FGL1: variants seen among roughly 807,000 people sequenced by gnomAD.
The protein encoded by FGL1 is fibrinogen like 1.
In FGL1, 59 loss-of-function variants were observed where a neutral mutation model predicts 43.7. That is an observed-to-expected ratio of 1.35 (90% CI 1.10 to 1.68). FGL1 has a LOEUF of 1.68. FGL1 is among the 40% of genes most tolerant of loss of function. The pLI is 0.00. For synonymous variants in FGL1, 192 were observed against 126.5 expected (o/e 1.52, Z -3.48); for missense variants, 596 against 373.0 (o/e 1.60, Z -4.92).
chr8:17,866,163 A>T (rs1053981402), intron 7 of FGL1, among the ~76,000 whole-genome samples: 3 of 152,212 alleles, frequency 2.0e-5, no homozygotes, highest in African/African-American at 7.2e-5. Context: ...TGTGATGAAC[A>T]TAAGAAACCT....
chr8:17,869,468 A>G (rs1204640312), intron 5 of FGL1, among the ~76,000 whole-genome samples: 1 of 152,212 alleles, frequency 6.6e-6, no homozygotes, highest in Non-Finnish European at 1.5e-5. Context: ...TGTAGTTGCC[A>G]TTGCCTGCAT....
intron 7 of FGL1, 68 bp from the exon 8 acceptor site, chr8:17,864,819 T>A (rs904867248): frequency 7.9e-7 from 1 of 1,268,400 alleles, no homozygotes; most frequent in East Asian, 2.9e-5. Flanking sequence ...GAATCCCTTT[T>A]ATTTTGCTAC....
Position 17,864,708 on chromosome 8 carries a change from A to T in FGL1, c.823T>A (p.Tyr275Asn), listed in dbSNP as rs534294286. 2 of 1,612,992 alleles carry T rather than the reference A, an allele frequency of 1.2e-6. No individual in the cohort carries two copies. The highest frequency in any genetic ancestry group is 1.3e-5 in the African/African-American group (1 of 74,990). The stretch of plus-strand genomic sequence containing the variant: ...ATCCCATTGTCTGTTTTAGCCGTGT[A>T]GGGGCCGCTGTAGTATACACCATTC... ...NLNGVYYSGP[Y>N]TAKTDNGIVW... is the part of the protein sequence containing the mutation. The change falls in exon 8 of 8, where the codon TAC (tyrosine) becomes AAC (asparagine). Residue 275 changes from tyrosine (Y) to asparagine (N), a missense_variant. Tyr to Asn is a moderately radical substitution (Grantham distance 143, BLOSUM62 -2). Coordinates refer to ENST00000427924, the MANE Select transcript of FGL1 (RefSeq NM_004467.4).
chr8:17,885,466 G>T, intron 2 of FGL1, 26 bp downstream of exon 2: 3 of 1,548,964 alleles, frequency 1.9e-6, no homozygotes, highest in South Asian at 1.1e-5. Flanking sequence ...TTATAAATAT[G>T]ACAATAGTTT....
rs1030978500 is a variant in FGL1 at position 17,892,703 on chromosome 8, A to G, written c.-18+2744T>C. On this transcript the variant is annotated intron_variant, in intron 1 of 7. Coordinates refer to ENST00000427924, the MANE Select transcript of FGL1 (RefSeq NM_004467.4). ...AGTAAAAATAATGTCCTCTTTTTTT[A>G]TGTGACAGGAAACAAATTTTCATTA... 3.3e-5 allele frequency among the ~76,000 whole-genome samples: 5 copies of G among 152,298 alleles called. No individual in the cohort carries two copies. In the East Asian group the frequency reaches 7.7e-4, roughly 23 times the overall value.
intron 1 of FGL1, among the ~76,000 whole-genome samples, chr8:17,889,275 C>T (rs1187563646): frequency 6.6e-6 from 1 of 152,174 alleles, no homozygotes; most frequent in Non-Finnish European, 1.5e-5. Context: ...TTTGGCTGGG[C>T]GTGGTGGCTT....
At chr8:17,886,648 C>A (rs569700375) in intron 1 of FGL1, among the ~76,000 whole-genome samples, 13 of 152,202 alleles carry the variant, frequency 8.5e-5, no homozygotes, top group African/African-American at 3.1e-4. Context: ...CTCCCAGCCA[C>A]TCGGGAGGCT....
chr8:17,884,090 T>A (rs2053591937), intron 2 of FGL1, among the ~76,000 whole-genome samples: 1 of 137,474 alleles, frequency 7.3e-6, no homozygotes, highest in Non-Finnish European at 1.6e-5. Flanking sequence ...CTTCCCTCCC[T>A]CCCTCCCTTC....
At chr8:17,881,960 T>C (rs750976622) in intron 3 of FGL1, 39 bp downstream of exon 3, 16 of 1,578,180 alleles carry the variant, frequency 1.0e-5, no homozygotes, top group Middle Eastern at 1.7e-4. Flanking sequence ...GGGTGCATAA[T>C]GTAAGTTATA....
rs781651263 is a variant in FGL1 at position 17,873,761 on chromosome 8, T to G, written c.502+258A>C. ...ATACTATGTATAGAATGTATATATATCTATAAATATATTTAGATATTTCTC... is the reference window on the plus strand; with the variant it reads ...ATACTATGTATAGAATGTATATATAGCTATAAATATATTTAGATATTTCTC... On this transcript the variant is annotated intron_variant, in intron 5 of 7. Transcript: ENST00000427924. Among the ~76,000 whole-genome samples, 8 of 150,074 alleles carry G rather than the reference T, an allele frequency of 5.3e-5. No individual in the cohort carries two copies. In the East Asian group the frequency reaches 1.6e-3, roughly 29 times the overall value.
chr8:17,875,298 C>G (rs1585134211), intron 3 of FGL1, among the ~76,000 whole-genome samples: 1 of 152,138 alleles, frequency 6.6e-6, no homozygotes, highest in Non-Finnish European at 1.5e-5. Flanking sequence ...CTTATAATCT[C>G]TTAGCCTTAT....
At chr8:17,882,425 T>C (rs1181717727) in intron 2 of FGL1, 9 of 353,656 alleles carry the variant, frequency 2.5e-5, no homozygotes, top group Non-Finnish European at 1.0e-5. Context: ...GGAATCGCTA[T>C]GCTAGGAGCT....
Position 17,868,961 on chromosome 8 carries a change from A to AT in FGL1, c.545dup (p.Asn182LysfsTer2), listed in dbSNP as rs201941547. 4,471 of 1,605,930 alleles carry AT rather than the reference A, an allele frequency of 2.8e-3. 76 individuals carry two copies. Among genetic ancestry groups the AT allele is most frequent in the East Asian group, 0.021 (933 of 44,708 alleles). The stretch of plus-strand genomic sequence containing the variant: ...AATTCTTATATTGTGCATAACGGCT[A>AT]TTTTTTTCAAAATCTGCAAGGTCGA... On this transcript the variant is annotated frameshift_variant, in exon 6 of 8. Coordinates refer to ENST00000427924, the MANE Select transcript of FGL1 (RefSeq NM_004467.4). LOFTEE classifies it high-confidence loss of function.
rs1461370184 is a variant in FGL1, at chr8:17,882,060, C to A, written c.183G>T (p.Gln61His). ...TATTCTCATCTCCTTTATCAAGGAA[C>A]TGGACTTCATTCTCCTGCAAAAGCT... ...IKQLLQENEV[Q>H]FLDKGDENTV... Residue 61 changes from glutamine to histidine, a missense_variant, in exon 3 of 8, where the codon CAG becomes CAT. By Grantham distance (24) the Gln-to-His change is conservative. Transcript: ENST00000427924. The A allele has an allele frequency of 3.1e-6, 5 of 1,613,932 alleles. No homozygotes were observed. Among genetic ancestry groups the A allele is most frequent in the Middle Eastern group, 3.3e-4 (2 of 6,084 alleles).
At chr8:17,887,585 C>T (rs779784337) in intron 1 of FGL1, among the ~76,000 whole-genome samples, 3 of 152,162 alleles carry the variant, frequency 2.0e-5, no homozygotes, top group Non-Finnish European at 4.4e-5. Context: ...CGTGTTGGCT[C>T]ACACCTGTAA....
Position 17,868,963 on chromosome 8 carries a change from T to C in FGL1, c.544A>G (p.Asn182Asp). The change falls in exon 6 of 8, where the codon AAT becomes GAT. Residue 182 changes from asparagine to aspartate, a missense_variant. Asn to Asp is a conservative substitution (Grantham distance 23). Transcript: ENST00000427924. ...TTCTTATATTGTGCATAACGGCTAT[T>C]TTTTTCAAAATCTGCAAGGTCGATT... ...LKIDLADFEK[N>D]SRYAQYKNFK... is the part of the protein sequence containing the mutation. 2 of 1,606,314 alleles carry C rather than the reference T, an allele frequency of 1.2e-6. No individual in the cohort carries two copies. Among genetic ancestry groups the C allele is most frequent in the Non-Finnish European group, 1.7e-6 (2 of 1,177,638 alleles).
intron 3 of FGL1, among the ~76,000 whole-genome samples, chr8:17,877,348 T>C (rs528890960): frequency 1.7e-3 from 258 of 152,336 alleles, no homozygotes; most frequent in South Asian, 0.01. Flanking sequence ...GTGTGTCCTT[T>C]CTCTGATCAT....
chr8:17,867,245 C>T (rs887964296), intron 7 of FGL1, among the ~76,000 whole-genome samples: 4 of 151,994 alleles, frequency 2.6e-5, no homozygotes, highest in South Asian at 2.1e-4. Context: ...GAAACAGCTA[C>T]GAAGTGAGTA....
At chr8:17,877,640 G>A (rs1413174430) in intron 3 of FGL1, among the ~76,000 whole-genome samples, 1 of 152,092 alleles carries the variant, frequency 6.6e-6, no homozygotes, top group Non-Finnish European at 1.5e-5. Context: ...AAAGGAAGGT[G>A]GGTACATAGT....
Sources: gnomAD v4.1 joint callset for allele counts (sites outside exome capture counted in the v4.1 genomes callset) on GRCh38, gnomAD v4.1.1 for gene constraint, MANE v1.5 for transcripts, NCBI Gene and HGNC (gene_info 2026-07-23, HGNC 2026-07-21) for gene names.